CDK8: variants seen among roughly 807,000 people sequenced by gnomAD.
The protein encoded by CDK8 is cyclin-dependent kinase 8.
Under a neutral mutation model 71.5 loss-of-function variants are expected in CDK8, and 29 were observed. The ratio of observed to expected loss-of-function variants is 0.41; its 90% CI spans 0.30 to 0.55. The LOEUF is 0.55. CDK8 is among the 20% of genes least tolerant of loss of function. The pLI, the probability that CDK8 is intolerant of heterozygous loss-of-function variation, is 0.37. For missense variants in CDK8, 288 were observed against 572.6 expected (o/e 0.50, Z 5.07); for synonymous variants, 161 against 192.1 (o/e 0.84, Z 1.34).
At chr13:26,374,028 AAAAAAAAAAC>A (rs1247142914) in intron 4 of CDK8, among the ~76,000 whole-genome samples, 3 of 132,410 alleles carry the variant, frequency 2.3e-5, no homozygotes, top group Non-Finnish European at 4.7e-5. Flanking sequence ...AAAAAAAAAA[AAAAAAAAAAC>A]AAAAAACAAA....
At chr13:26,259,880 A>T (rs893748628) in intron 1 of CDK8, among the ~76,000 whole-genome samples, 1 of 152,178 alleles carries the variant, frequency 6.6e-6, no homozygotes, top group African/African-American at 2.4e-5. Flanking sequence ...TTATTTGGGG[A>T]GATAACTACT....
intron 6 of CDK8, among the ~76,000 whole-genome samples, chr13:26,387,512 G>A (rs1194802122): frequency 6.6e-6 from 1 of 152,180 alleles, no homozygotes; most frequent in African/African-American, 2.4e-5. Flanking sequence ...AAAGTCTTCA[G>A]GGAAGAGTCC....
chr13:26,378,330 AGCATGACAT>A (rs1386085766), intron 4 of CDK8, among the ~76,000 whole-genome samples: 1 of 152,196 alleles, frequency 6.6e-6, no homozygotes, highest in Non-Finnish European at 1.5e-5. Flanking sequence ...ACTCTCCTCC[AGCATGACAT>A]GCTGGAGAAC....
intron 4 of CDK8, among the ~76,000 whole-genome samples, chr13:26,362,266 G>GGATA (rs1163618681): frequency 1.5e-4 from 20 of 131,882 alleles, no homozygotes; most frequent in East Asian, 7.2e-4. Context: ...ATGGATGGAT[G>GGATA]GATAGATAGA....
At chr13:26,309,109 T>C (rs1458137040) in intron 1 of CDK8, among the ~76,000 whole-genome samples, 1 of 151,956 alleles carries the variant, frequency 6.6e-6, no homozygotes, top group African/African-American at 2.4e-5. Flanking sequence ...GTCATTATCA[T>C]CATCATTATA....
intron 1 of CDK8, among the ~76,000 whole-genome samples, chr13:26,259,380 T>C (rs191602879): frequency 6.6e-6 from 1 of 152,204 alleles, no homozygotes; most frequent in East Asian, 1.9e-4. Flanking sequence ...AAAAATAGAG[T>C]ATAACAACTG....
At chr13:26,259,808 C>G (rs1329255791) in intron 1 of CDK8, among the ~76,000 whole-genome samples, 4 of 152,116 alleles carry the variant, frequency 2.6e-5, no homozygotes, top group Non-Finnish European at 5.9e-5. Flanking sequence ...ATTTATTGGA[C>G]CCTTCTATGT....
chr13:26,309,773 T>C (rs796567885), intron 1 of CDK8, among the ~76,000 whole-genome samples: 45 of 152,244 alleles, frequency 3.0e-4, no homozygotes, highest in African/African-American at 1.0e-3. Context: ...CATCTTACCA[T>C]CTTTTTATTT....
chr13:26,290,604 T>C (rs1443849396), intron 1 of CDK8, among the ~76,000 whole-genome samples: 2 of 152,220 alleles, frequency 1.3e-5, no homozygotes, highest in East Asian at 3.8e-4. Flanking sequence ...TGGGTTCCTA[T>C]GAATAGATTT....
At chr13:26,352,761 T>A (rs1027565009) in intron 3 of CDK8, among the ~76,000 whole-genome samples, 2 of 152,230 alleles carry the variant, frequency 1.3e-5, no homozygotes, top group Admixed American at 6.5e-5. Flanking sequence ...TATTTTTACC[T>A]TGGAGAGTAA....
At chr13:26,332,542 T>C (rs1467017387) in intron 1 of CDK8, among the ~76,000 whole-genome samples, 2 of 151,694 alleles carry the variant, frequency 1.3e-5, no homozygotes, top group Non-Finnish European at 2.9e-5. Flanking sequence ...TTTGACTAAC[T>C]CCTTTTGAAT....
chr13:26,366,045 CAG>C (rs1218580328), intron 4 of CDK8, among the ~76,000 whole-genome samples: 1 of 151,890 alleles, frequency 6.6e-6, no homozygotes, highest in African/African-American at 2.4e-5. Flanking sequence ...AGTTATTTTC[CAG>C]ACTTCTGAAG....
At chr13:26,299,888 T>C (rs1203378536) in intron 1 of CDK8, among the ~76,000 whole-genome samples, 1 of 152,210 alleles carries the variant, frequency 6.6e-6, no homozygotes, top group Non-Finnish European at 1.5e-5. Context: ...TTAGGCTTGC[T>C]GGGCCATGTA....
chr13:26,389,815 TG>T (rs1308573638), intron 6 of CDK8, among the ~76,000 whole-genome samples: 1 of 151,918 alleles, frequency 6.6e-6, no homozygotes, highest in Non-Finnish European at 1.5e-5. Flanking sequence ...CTCACCAACA[TG>T]GTGAAACTCC....
chr13:26,301,214 T>A lies in CDK8; in HGVS notation c.129-36353T>A, dbSNP rs1256285055. On this transcript the variant is annotated intron_variant, in intron 1 of 12. Coordinates refer to ENST00000381527, the MANE Select transcript of CDK8 (RefSeq NM_001260.3). ...ATAAATCTGCCATTATCAGTAGACTTTTTTTTTTTTTTTTTTTTTTGCCTA... is the reference window on the plus strand; with the variant it reads ...ATAAATCTGCCATTATCAGTAGACTATTTTTTTTTTTTTTTTTTTTGCCTA... Among the ~76,000 whole-genome samples, 4 of 44,300 alleles carry A rather than the reference T, an allele frequency of 9.0e-5. No homozygotes were observed. The East Asian group carries it at 2.8e-3, about 31-fold the overall frequency. 29.1% of individuals were successfully genotyped at this position (44,300 alleles called of 152,430 possible).
rs1874087993 is a variant in CDK8, at chr13:26,360,495, CA to C, written c.456+6616del. The stretch of plus-strand genomic sequence containing the variant: ...AGCTCGAAATTAAACTCTCTCTAGT[CA>C]CCCTAGCTGAAAATGAGAATGTTTA... On this transcript the variant is annotated intron_variant, in intron 4 of 12. Coordinates refer to ENST00000381527, the MANE Select transcript of CDK8 (RefSeq NM_001260.3). Among the ~76,000 whole-genome samples, 3 of 152,160 alleles carry C rather than the reference CA, an allele frequency of 2.0e-5. No individual in the cohort carries two copies. In the East Asian group the frequency reaches 5.8e-4, roughly 29 times the overall value.
intron 4 of CDK8, among the ~76,000 whole-genome samples, chr13:26,365,121 T>C (rs889468643): frequency 8.5e-5 from 13 of 152,190 alleles, no homozygotes; most frequent in African/African-American, 3.1e-4. Context: ...GTACCTTGTT[T>C]AATTGGGTAG....
chr13:26,398,699 C>G (rs1056964991), intron 9 of CDK8, among the ~76,000 whole-genome samples: 2 of 152,080 alleles, frequency 1.3e-5, no homozygotes, highest in African/African-American at 2.4e-5. Context: ...GTCGGCCTGG[C>G]GTGGTAGCTC....
At chr13:26,296,050 G>A (rs1465384661) in intron 1 of CDK8, among the ~76,000 whole-genome samples, 3 of 152,128 alleles carry the variant, frequency 2.0e-5, no homozygotes, top group African/African-American at 7.2e-5. Flanking sequence ...ATTAGAGTCT[G>A]CACTCTACTT....
Sources: allele counts gnomAD v4.1 joint callset (sites outside exome capture counted in the v4.1 genomes callset), GRCh38; gene constraint gnomAD v4.1.1; transcripts MANE v1.5; gene names NCBI Gene and HGNC (gene_info 2026-07-23, HGNC 2026-07-21).